SLIT3: variants seen among roughly 807,000 people sequenced by gnomAD.
SLIT3 encodes the protein slit homolog 3 protein.
Under a neutral mutation model 184.0 loss-of-function variants are expected in SLIT3, and 68 were observed. The ratio of observed to expected loss-of-function variants is 0.37; its 90% CI spans 0.30 to 0.45. The LOEUF (loss-of-function observed/expected upper bound fraction) is 0.45, where lower values mean the gene tolerates loss of function less well. SLIT3 is among the 20% of genes least tolerant of loss of function. SLIT3 has a pLI of 1.00. For missense variants in SLIT3, 1,707 were observed against 2,026.0 expected, an observed-to-expected ratio of 0.84 and a Z score of 3.02; for synonymous variants, 831 against 828.6, an observed-to-expected ratio of 1.00 and a Z score of -0.05.
intron 4 of SLIT3, among the ~76,000 whole-genome samples, chr5:168,883,611 G>A (rs1032032853): frequency 1.3e-5 from 2 of 152,230 alleles, no homozygotes; most frequent in East Asian, 3.8e-4. Context: ...AAGAGGCTGG[G>A]TTATTTGTTG....
At chr5:168,712,257 C>A in intron 24 of SLIT3, 26 bp downstream of exon 24, 1 of 1,597,574 alleles carries the variant, frequency 6.3e-7, no homozygotes, top group South Asian at 1.1e-5. Flanking sequence ...TTTGAATGTT[C>A]ATTGGGGAGA....
chr5:168,673,564 C>T (rs1233376692), intron 32 of SLIT3, among the ~76,000 whole-genome samples: 1 of 152,234 alleles, frequency 6.6e-6, no homozygotes, highest in East Asian at 1.9e-4. Context: ...TTTATGTATA[C>T]ACACACACAT....
At chr5:168,823,189 C>T in intron 7 of SLIT3, 71 bp downstream of exon 7, 1 of 1,160,168 alleles carries the variant, frequency 8.6e-7, no homozygotes, top group Non-Finnish European at 1.3e-6. Flanking sequence ...GTTTGACAAG[C>T]AGCGTAGAGT....
chr5:168,837,548 A>G (rs1052882260), intron 6 of SLIT3, among the ~76,000 whole-genome samples: 3 of 152,222 alleles, frequency 2.0e-5, no homozygotes, highest in Admixed American at 2.0e-4. Flanking sequence ...TGATTCCAGG[A>G]CAACCATATC....
At chr5:168,671,116 T>G in intron 34 of SLIT3, 82 bp downstream of exon 34, 1 of 1,463,322 alleles carries the variant, frequency 6.8e-7, no homozygotes, top group Non-Finnish European at 9.3e-7. Flanking sequence ...CAGCCTCCAG[T>G]AGTGCCTATT....
At chr5:169,055,248 T>C (rs1287243569) in intron 4 of SLIT3, among the ~76,000 whole-genome samples, 2 of 152,190 alleles carry the variant, frequency 1.3e-5, no homozygotes, top group Non-Finnish European at 2.9e-5. Context: ...AAGTCCCTGC[T>C]TTCTGGAACT....
chr5:168,853,846 C>G (rs937049716), intron 5 of SLIT3, among the ~76,000 whole-genome samples: 2 of 152,176 alleles, frequency 1.3e-5, no homozygotes, highest in African/African-American at 4.8e-5. Flanking sequence ...TTATGCTTGT[C>G]CTTGCCCCCT....
chr5:169,270,617 A>T (rs1169640290), intron 1 of SLIT3, among the ~76,000 whole-genome samples: 3 of 152,176 alleles, frequency 2.0e-5, no homozygotes, highest in African/African-American at 7.2e-5. Context: ...CTAAATATAC[A>T]TGTATGACAT....
chr5:168,737,353 T>G (rs1378408198), intron 20 of SLIT3, among the ~76,000 whole-genome samples: 1 of 152,160 alleles, frequency 6.6e-6, no homozygotes, highest in Non-Finnish European at 1.5e-5. Flanking sequence ...ATTCTTGTCA[T>G]CACCTCTTGC....
rs777980211 is a variant in SLIT3, at chr5:168,752,854, C to A, written c.1973+101G>T. ...CCTGACGAGTTTTTAAGTGGACAGA[C>A]AGATAGATGAGCCTGGCTAGAGGTA... On this transcript the variant is annotated intron_variant, in intron 18 of 35. Coordinates refer to ENST00000519560, the MANE Select transcript of SLIT3 (RefSeq NM_003062.4). 4.7e-5 allele frequency: 57 copies of A among 1,218,114 alleles called. No individual in the cohort carries two copies. In the East Asian group the frequency reaches 1.4e-3, roughly 29 times the overall value. 75.5% of individuals were successfully genotyped at this position (1,218,114 alleles called of 1,614,324 possible).
At position 168,866,677 on chromosome 5, in the gene SLIT3, T is replaced by G. The variant is rs190270516; in HGVS notation, c.485+16588A>C. Among the ~76,000 whole-genome samples, 4 of 152,312 alleles carry G rather than the reference T, an allele frequency of 2.6e-5. No homozygotes were observed. In the East Asian group the frequency reaches 7.7e-4, roughly 29 times the overall value. ...AAACACTGTTAACAGTGAGTCAGAT[T>G]AATGTAGATTCATATTTTGACTCTG... On this transcript the variant is annotated intron_variant, in intron 5 of 35. Coordinates refer to ENST00000519560, the MANE Select transcript of SLIT3 (RefSeq NM_003062.4).
intron 4 of SLIT3, among the ~76,000 whole-genome samples, chr5:168,918,149 A>G (rs894147142): frequency 4.6e-5 from 7 of 152,160 alleles, no homozygotes; most frequent in African/African-American, 1.2e-4. Flanking sequence ...TCAAGTTGAT[A>G]TAATAAACAG....
chr5:168,845,399 G>C (rs539488038), intron 5 of SLIT3, among the ~76,000 whole-genome samples: 4 of 152,318 alleles, frequency 2.6e-5, no homozygotes, highest in African/African-American at 9.6e-5. Flanking sequence ...AAGCGTTCAT[G>C]AAGAGGGGAA....
intron 1 of SLIT3, among the ~76,000 whole-genome samples, chr5:169,261,448 T>C (rs1766172801): frequency 6.6e-6 from 1 of 152,078 alleles, no homozygotes; most frequent in South Asian, 2.1e-4. Flanking sequence ...CTTCCTTCTT[T>C]CTTCTTTTCT....
chr5:168,813,220 T>A (rs1211155521), intron 8 of SLIT3, among the ~76,000 whole-genome samples: 1 of 151,134 alleles, frequency 6.6e-6, no homozygotes, highest in Non-Finnish European at 1.5e-5. Context: ...TTGCGACTGG[T>A]AGAAACCCTT....
chr5:169,142,321 G>C (rs915795180), intron 4 of SLIT3, among the ~76,000 whole-genome samples: 5 of 152,124 alleles, frequency 3.3e-5, no homozygotes, highest in African/African-American at 1.2e-4. Flanking sequence ...AGTCACTCAA[G>C]GGTAAAAACA....
chr5:168,687,003 G>C lies in SLIT3; in HGVS notation c.3290C>G (p.Thr1097Arg). The C allele has an allele frequency of 6.2e-7, 1 of 1,614,206 alleles. No individual in the cohort carries two copies. Among genetic ancestry groups the C allele is most frequent in the Non-Finnish European group, 8.5e-7 (1 of 1,179,996 alleles). Reference protein sequence around the residue: ...AQCVDTINGYTCTCPQGFSGP... With the variant: ...AQCVDTINGYRCTCPQGFSGP... The stretch of plus-strand genomic sequence containing the variant: ...CCTGAAGCCCTGGGGGCAGGTGCAT[G>C]TGTAGCCATTGATTGTGTCCACGCA... Residue 1097 changes from threonine to arginine, a missense_variant, in exon 30 of 36, where the codon ACA becomes AGA. Physicochemically the swap from Thr to Arg is moderately conservative, Grantham distance 71. Transcript: ENST00000519560.
chr5:169,292,773 A>G (rs1767397323), intron 1 of SLIT3, among the ~76,000 whole-genome samples: 3 of 152,212 alleles, frequency 2.0e-5, no homozygotes, highest in Admixed American at 6.5e-5. Flanking sequence ...TGATTTGCCA[A>G]AAGTTAATTA....
chr5:169,281,114 G>T (rs751101137), intron 1 of SLIT3, among the ~76,000 whole-genome samples: 1 of 152,230 alleles, frequency 6.6e-6, no homozygotes, highest in African/African-American at 2.4e-5. Context: ...GAGCCAAGCT[G>T]AGCTTCTGTT....
Sources: gnomAD v4.1 joint callset for allele counts (sites outside exome capture counted in the v4.1 genomes callset) on GRCh38, gnomAD v4.1.1 for gene constraint, MANE v1.5 for transcripts, NCBI Gene and HGNC (gene_info 2026-07-23, HGNC 2026-07-21) for gene names.